Variants in CBL observed in about 807,000 individuals in gnomAD.
The protein encoded by CBL is Cbl proto-oncogene.
In CBL, 45 loss-of-function variants were observed where a neutral mutation model predicts 96.9. The observed-to-expected ratio is 0.46, with a 90% CI of 0.37 to 0.60. The LOEUF is 0.60. Among genes scored for constraint, CBL ranks in the 20% least tolerant of loss-of-function variants. The pLI, the probability that CBL is intolerant of heterozygous loss-of-function variation, is 0.00. For missense variants in CBL, 1,024 were observed against 1,143.5 expected, an observed-to-expected ratio of 0.90 and a Z score of 1.51; for synonymous variants, 420 against 426.8, an observed-to-expected ratio of 0.98 and a Z score of 0.20.
chr11:119,242,420 C>T (rs7104273), intron 2 of CBL, among the ~76,000 whole-genome samples: 41,798 of 151,124 alleles, frequency 0.28, 6,212 homozygotes, highest in South Asian at 0.59. Flanking sequence ...TACCTGTAAT[C>T]CAAGCTACTC....
intron 2 of CBL, among the ~76,000 whole-genome samples, chr11:119,238,985 T>C (rs769974719): frequency 6.6e-6 from 1 of 152,166 alleles, no homozygotes; most frequent in Non-Finnish European, 1.5e-5. Flanking sequence ...TTTGTTGTTT[T>C]AGACAGAGTC....
At chr11:119,295,023 T>C in intron 12 of CBL, among the ~76,000 whole-genome samples, 1 of 152,216 alleles carries the variant, frequency 6.6e-6, no homozygotes, top group East Asian at 1.9e-4. Flanking sequence ...CGATTATACA[T>C]CAGTGTAACT....
intron 2 of CBL, among the ~76,000 whole-genome samples, chr11:119,256,647 A>G (rs1174253163): frequency 6.7e-6 from 1 of 149,234 alleles, no homozygotes; most frequent in East Asian, 2.0e-4. Flanking sequence ...TGGTGCACCC[A>G]TTACCCGAGT....
intron 1 of CBL, among the ~76,000 whole-genome samples, chr11:119,213,488 T>C (rs1565853805): frequency 6.6e-6 from 1 of 152,200 alleles, no homozygotes; most frequent in South Asian, 2.1e-4. Context: ...ATTTTTTCTG[T>C]ATTTATCTTA....
At position 119,278,525 on chromosome 11, in the gene CBL, G is replaced by T. The variant is rs756530482; in HGVS notation, c.1243G>T (p.Gly415Cys). 6.2e-7 allele frequency: 1 copy of T among 1,613,898 alleles called. No individual in the cohort carries two copies. Among genetic ancestry groups the T allele is most frequent in the Non-Finnish European group, 8.5e-7 (1 of 1,179,866 alleles). ...TCTTCTGCAGGAATCAGAAGGTCAG[G>T]GCTGTCCTTTCTGCCGATGTGAAAT... Reference protein sequence around the residue: ...LTSWQESEGQGCPFCRCEIKG... With the variant: ...LTSWQESEGQCCPFCRCEIKG... Residue 415 changes from glycine (G) to cysteine (C), a missense_variant, in exon 9 of 16, where the codon GGC (glycine) becomes TGC (cysteine). Physicochemically the swap from Gly to Cys is radical, Grantham distance 159 (BLOSUM62 -3). Coordinates refer to ENST00000264033, the MANE Select transcript of CBL (RefSeq NM_005188.4).
intron 9 of CBL, among the ~76,000 whole-genome samples, chr11:119,282,338 C>CA (rs201788865): frequency 9.0e-3 from 725 of 80,246 alleles, no homozygotes; most frequent in Middle Eastern, 0.015. Context: ...GACTCCATCT[C>CA]AAAAAAAAAA....
At chr11:119,248,744 TAAGGGATC>T (rs1949649751) in intron 2 of CBL, among the ~76,000 whole-genome samples, 2 of 152,192 alleles carry the variant, frequency 1.3e-5, no homozygotes, top group Admixed American at 6.5e-5. Flanking sequence ...ATATATTTGA[TAAGGGATC>T]AACATCCAGA....
At chr11:119,257,813 T>C (rs554312001) in intron 2 of CBL, among the ~76,000 whole-genome samples, 2 of 152,322 alleles carry the variant, frequency 1.3e-5, no homozygotes, top group East Asian at 3.9e-4. Flanking sequence ...GTGTGTCCTT[T>C]CCCTAATTCA....
chr11:119,275,745 C>T (rs1189496780), intron 5 of CBL, among the ~76,000 whole-genome samples: 1 of 151,962 alleles, frequency 6.6e-6, no homozygotes, highest in Non-Finnish European at 1.5e-5. Context: ...TACTGTAGTC[C>T]CAGCTACTCA....
chr11:119,265,883 G>T (rs559478331), intron 2 of CBL, among the ~76,000 whole-genome samples: 1 of 151,974 alleles, frequency 6.6e-6, no homozygotes, highest in African/African-American at 2.4e-5. Flanking sequence ...TTAACCGGGC[G>T]TGGTGGTGTG....
At chr11:119,242,537 C>A (rs370059992) in intron 2 of CBL, among the ~76,000 whole-genome samples, 408 of 76,122 alleles carry the variant, frequency 5.4e-3, no homozygotes, top group African/African-American at 7.2e-3. Context: ...GACTCCATCT[C>A]AAAAAAAAAA....
intron 2 of CBL, among the ~76,000 whole-genome samples, chr11:119,252,402 C>T (rs1169991827): frequency 6.6e-6 from 1 of 152,102 alleles, no homozygotes; most frequent in Non-Finnish European, 1.5e-5. Flanking sequence ...TTCCTTTCCT[C>T]CTGTTCTTTT....
intron 2 of CBL, among the ~76,000 whole-genome samples, chr11:119,266,497 T>C (rs1592394623): frequency 6.6e-6 from 1 of 152,228 alleles, no homozygotes; most frequent in East Asian, 1.9e-4. Flanking sequence ...TATGTAAATC[T>C]TAGTTCTTTA....
chr11:119,227,902 C>A (rs1176482931), intron 1 of CBL, among the ~76,000 whole-genome samples: 1 of 152,138 alleles, frequency 6.6e-6, no homozygotes, highest in Non-Finnish European at 1.5e-5. Context: ...TGCTTGATTC[C>A]TCTCACATTC....
chr11:119,258,525 T>G (rs1221114367), intron 2 of CBL, among the ~76,000 whole-genome samples: 1 of 152,122 alleles, frequency 6.6e-6, no homozygotes, highest in East Asian at 1.9e-4. Context: ...ATGAGAACTC[T>G]GCCCTCATGA....
rs1333130729 is a variant in CBL, at chr11:119,303,067, AG to A, written c.*3287del. The A allele has an allele frequency of 1.3e-5, 3 of 231,110 alleles. No homozygotes were observed. The highest frequency in any genetic ancestry group is 2.6e-5 in the Non-Finnish European group (3 of 116,536). The allele number at this position is 231,110 out of a possible 1,614,324, so 14.3% of individuals were successfully genotyped here. On this transcript the variant is annotated 3_prime_UTR_variant, in exon 16 of 16. Coordinates refer to ENST00000264033, the MANE Select transcript of CBL (RefSeq NM_005188.4). ...CTCTTAAAATATGTGTTTTCTCTAT[AG>A]AAAAGTAAAATGTGTTTATGGTCCC...
At chr11:119,208,343 C>G (rs1471810962) in intron 1 of CBL, among the ~76,000 whole-genome samples, 1 of 151,782 alleles carries the variant, frequency 6.6e-6, no homozygotes, top group Non-Finnish European at 1.5e-5. Flanking sequence ...GATTAGTGGC[C>G]TCTGCTTAAG....
intron 2 of CBL, among the ~76,000 whole-genome samples, chr11:119,254,641 G>A (rs906142417): frequency 4.0e-5 from 6 of 150,664 alleles, no homozygotes; most frequent in Non-Finnish European, 5.9e-5. Flanking sequence ...TCGTCCTGTC[G>A]CCCAGGCTGG....
At chr11:119,221,766 CA>C (rs199581991) in intron 1 of CBL, among the ~76,000 whole-genome samples, 3,075 of 61,894 alleles carry the variant, frequency 0.05, 34 homozygotes, top group African/African-American at 0.067. Flanking sequence ...GACTCCGTCT[CA>C]AAAAAAAAAA....
Sources: gnomAD v4.1 joint callset for allele counts (sites outside exome capture counted in the v4.1 genomes callset) on GRCh38, gnomAD v4.1.1 for gene constraint, MANE v1.5 for transcripts, NCBI Gene and HGNC (gene_info 2026-07-23, HGNC 2026-07-21) for gene names.